SAP30: variants seen among roughly 807,000 people sequenced by gnomAD.
SAP30 encodes the protein Sin3A associated protein 30.
Under a neutral mutation model 19.6 loss-of-function variants are expected in SAP30, and 13 were observed. The ratio of observed to expected loss-of-function variants is 0.66; its 90% CI spans 0.43 to 1.05. SAP30 has a LOEUF of 1.05. Ranked by LOEUF, SAP30 falls within the 50% of genes least tolerant of loss-of-function variation. The probability of loss-of-function intolerance (pLI) is 0.00; values close to 1 mark genes in which losing one functional copy is unlikely to be tolerated. For missense variants in SAP30, 257 were observed against 292.1 expected, an observed-to-expected ratio of 0.88 and a Z score of 0.88; for synonymous variants, 108 against 122.7, an observed-to-expected ratio of 0.88 and a Z score of 0.79.
Position 173,371,596 on chromosome 4 carries a change from G to C in SAP30, c.315+99G>C. ...TGTCGGCGGGGTCCCCCAGACAACCGCACTGGCTGCAGTGCGGTCTCGTGG... is the reference window on the plus strand; with the variant it reads ...TGTCGGCGGGGTCCCCCAGACAACCCCACTGGCTGCAGTGCGGTCTCGTGG... On this transcript the variant is annotated intron_variant, in intron 1 of 3. Transcript: ENST00000296504. This position sits in a 1 kb window ranked among gnomAD's most constrained non-coding sequence, Gnocchi z 6.4. The C allele has an allele frequency of 6.7e-7, 1 of 1,493,668 alleles. No individual in the cohort carries two copies. The highest frequency in any genetic ancestry group is 8.9e-7 in the Non-Finnish European group (1 of 1,119,624). The allele number at this position is 1,493,668 out of a possible 1,614,324, so 92.5% of individuals were successfully genotyped here.
intron 1 of SAP30, among the ~76,000 whole-genome samples, chr4:173,372,276 A>AT (rs1359317487): frequency 8.5e-5 from 13 of 152,218 alleles, no homozygotes; most frequent in Non-Finnish European, 1.8e-4. Flanking sequence ...CAAGTCCTGC[A>AT]TATTTTTATC....
chr4:173,371,057 T>G lies in SAP30; in HGVS notation c.-126T>G. The G allele has an allele frequency of 9.1e-6, 10 of 1,097,406 alleles. No individual in the cohort carries two copies. The highest frequency in any genetic ancestry group is 1.2e-5 in the Non-Finnish European group (10 of 831,514). The allele number at this position is 1,097,406 out of a possible 1,614,324, so 68.0% of individuals were successfully genotyped here. ...CAGAGACCAGCAGGCCCGGGACAGT[T>G]GGTGTTTGGCCGTGCCGCTGTCTAA... On this transcript the variant is annotated 5_prime_UTR_variant, in exon 1 of 4. Coordinates refer to ENST00000296504, the MANE Select transcript of SAP30 (RefSeq NM_003864.4). This position sits in a 1 kb window ranked among gnomAD's most constrained non-coding sequence, Gnocchi z 6.4.
At chr4:173,373,277 GC>G (rs1738979864) in intron 1 of SAP30, 112 bp from the exon 2 acceptor site, 1 of 835,732 alleles carries the variant, frequency 1.2e-6, no homozygotes, top group African/African-American at 1.8e-5. Flanking sequence ...CTTAACAATG[GC>G]CCATCTTGGC....
Position 173,377,241 on chromosome 4 carries a change from G to C in SAP30, c.577G>C (p.Glu193Gln). Residue 193 changes from glutamate to glutamine, a missense_variant, in exon 4 of 4, where the codon GAA (glutamate) becomes CAA (glutamine). By Grantham distance (29) the Glu-to-Gln change is conservative. Transcript: ENST00000296504. ...CCACTTTAGGTCTATTCCAGTGAAT[G>C]AAAAAGACACCTTAACATATTTCAT... ...GCHFRSIPVN[E>Q]KDTLTYFIYS... The C allele has an allele frequency of 6.2e-7, 1 of 1,606,964 alleles. No homozygotes were observed. Among genetic ancestry groups the C allele is most frequent in the Non-Finnish European group, 8.5e-7 (1 of 1,177,030 alleles).
In SAP30 at chr4:173,371,303, G is replaced by T; in HGVS notation, c.121G>T (p.Gly41Trp). 8.1e-7 allele frequency: 1 copy of T among 1,231,352 alleles called. No homozygotes were observed. Among genetic ancestry groups the T allele is most frequent in the South Asian group, 3.2e-5 (1 of 30,930 alleles). The allele number at this position is 1,231,352 out of a possible 1,614,324, so 76.3% of individuals were successfully genotyped here. A position where few individuals can be genotyped will look rare whatever the true frequency, so the allele number is the denominator to read the frequency against. ...SAGNGTGAGT[G>W]AEVPGAGAVS... Reference sequence around the variant, plus strand: ...GGGGAACGGGACCGGCGCGGGCACCGGGGCTGAGGTGCCGGGCGCGGGGGC... The same window carrying T: ...GGGGAACGGGACCGGCGCGGGCACCTGGGCTGAGGTGCCGGGCGCGGGGGC... The change falls in exon 1 of 4, where the codon GGG becomes TGG. Residue 41 changes from glycine (G) to tryptophan (W), a missense_variant. By Grantham distance (184) the Gly-to-Trp change is radical. Coordinates refer to ENST00000296504, the MANE Select transcript of SAP30 (RefSeq NM_003864.4). The surrounding 1 kb of genome is among the most constrained non-coding windows in gnomAD (Gnocchi z 6.4).
At position 173,371,593 on chromosome 4, in the gene SAP30, A is replaced by G. The variant is rs1273667488; in HGVS notation, c.315+96A>G. ...GGTTGTCGGCGGGGTCCCCCAGACA[A>G]CCGCACTGGCTGCAGTGCGGTCTCG... On this transcript the variant is annotated intron_variant, in intron 1 of 3. Coordinates refer to ENST00000296504, the MANE Select transcript of SAP30 (RefSeq NM_003864.4). The surrounding 1 kb of genome is among the most constrained non-coding windows in gnomAD (Gnocchi z 6.4). 4.0e-6 allele frequency: 6 copies of G among 1,500,896 alleles called. No homozygotes were observed. The highest frequency in any genetic ancestry group is 5.3e-6 in the Non-Finnish European group (6 of 1,123,462). The allele number at this position is 1,500,896 out of a possible 1,614,324, so 93.0% of individuals were successfully genotyped here.
chr4:173,371,608 G>C lies in SAP30; in HGVS notation c.315+111G>C, dbSNP rs1738936347. The C allele has an allele frequency of 1.4e-6, 2 of 1,470,902 alleles. No individual in the cohort carries two copies. Among genetic ancestry groups the C allele is most frequent in the Non-Finnish European group, 9.0e-7 (1 of 1,108,738 alleles). The allele number at this position is 1,470,902 out of a possible 1,614,324, so 91.1% of individuals were successfully genotyped here. A position where few individuals can be genotyped will look rare whatever the true frequency, so the allele number is the denominator to read the frequency against. On this transcript the variant is annotated intron_variant, in intron 1 of 3. Coordinates refer to ENST00000296504, the MANE Select transcript of SAP30 (RefSeq NM_003864.4). This position sits in a 1 kb window ranked among gnomAD's most constrained non-coding sequence, Gnocchi z 6.4. ...CCCCCAGACAACCGCACTGGCTGCA[G>C]TGCGGTCTCGTGGAGTCTGTGTTTG...
Position 173,371,126 on chromosome 4 carries a change from C to A in SAP30, c.-57C>A. The A allele has an allele frequency of 7.2e-7, 1 of 1,398,418 alleles. No individual in the cohort carries two copies. 86.6% of individuals were successfully genotyped at this position (1,398,418 alleles called of 1,614,324 possible). A position where few individuals can be genotyped will look rare whatever the true frequency, so the allele number is the denominator to read the frequency against. On this transcript the variant is annotated 5_prime_UTR_variant, in exon 1 of 4. Coordinates refer to ENST00000296504, the MANE Select transcript of SAP30 (RefSeq NM_003864.4). The surrounding 1 kb of genome is among the most constrained non-coding windows in gnomAD (Gnocchi z 6.4). The stretch of plus-strand genomic sequence containing the variant: ...TTGCCGCTGCCGGAGCGGAGAGAGG[C>A]GGAGCGGCCAGGAGAGAGGGGATTT...
intron 3 of SAP30, among the ~76,000 whole-genome samples, chr4:173,375,608 CCTT>C (rs1287846970): frequency 1.3e-5 from 2 of 152,082 alleles, no homozygotes; most frequent in East Asian, 3.8e-4. Context: ...GATAAACTGA[CCTT>C]CTAAGAACAG....
chr4:173,372,673 C>T (rs895556967), intron 1 of SAP30, among the ~76,000 whole-genome samples: 1 of 152,172 alleles, frequency 6.6e-6, no homozygotes, highest in Non-Finnish European at 1.5e-5. Flanking sequence ...ATATGCTGTT[C>T]TTTTAAGTAG....
At chr4:173,375,423 C>T (rs569083181) in intron 3 of SAP30, among the ~76,000 whole-genome samples, 1 of 152,146 alleles carries the variant, frequency 6.6e-6, no homozygotes, top group South Asian at 2.1e-4. Context: ...AGATCAAGTT[C>T]TTTTGGGGTT....
chr4:173,377,489 C>T lies in SAP30; in HGVS notation c.*162C>T, dbSNP rs1739066069. ...TAGTTGGAAACTCATATAAAATGAG[C>T]TTTCCTAAATTAAATCTATTTTAAA... is the stretch of plus-strand genomic sequence containing the variant. On this transcript the variant is annotated 3_prime_UTR_variant, in exon 4 of 4. Transcript: ENST00000296504. 1.7e-6 allele frequency: 1 copy of T among 593,602 alleles called. No homozygotes were observed. Among genetic ancestry groups the T allele is most frequent in the Non-Finnish European group, 2.7e-6 (1 of 363,794 alleles). 36.8% of individuals were successfully genotyped at this position (593,602 alleles called of 1,614,324 possible).
At position 173,371,304 on chromosome 4, in the gene SAP30, G is replaced by A. The variant is rs771738602; in HGVS notation, c.122G>A (p.Gly41Glu). 3.9e-6 allele frequency: 5 copies of A among 1,293,630 alleles called. No individual in the cohort carries two copies. The highest frequency in any genetic ancestry group is 3.5e-5 in the East Asian group (1 of 28,442). 80.1% of individuals were successfully genotyped at this position (1,293,630 alleles called of 1,614,324 possible). A position where few individuals can be genotyped will look rare whatever the true frequency, so the allele number is the denominator to read the frequency against. ...SAGNGTGAGT[G>E]AEVPGAGAVS... ...GGGAACGGGACCGGCGCGGGCACCG[G>A]GGCTGAGGTGCCGGGCGCGGGGGCG... is the stretch of plus-strand genomic sequence containing the variant. The change falls in exon 1 of 4, where the codon GGG (glycine) becomes GAG (glutamate). Residue 41 changes from glycine (G) to glutamate (E), a missense_variant. Transcript: ENST00000296504. This position sits in a 1 kb window ranked among gnomAD's most constrained non-coding sequence, Gnocchi z 6.4.
chr4:173,376,694 C>T (rs1053241545), intron 3 of SAP30, among the ~76,000 whole-genome samples: 2 of 152,134 alleles, frequency 1.3e-5, no homozygotes, highest in African/African-American at 2.4e-5. Flanking sequence ...TCTCAGCTCA[C>T]TGCAACCTCC....
chr4:173,375,727 C>G (rs1022484338), intron 3 of SAP30, among the ~76,000 whole-genome samples: 3 of 152,128 alleles, frequency 2.0e-5, no homozygotes, highest in Non-Finnish European at 2.9e-5. Context: ...AAGGAATGTG[C>G]AGATGTAGTA....
rs775285058 is a variant in SAP30 at position 173,371,169 on chromosome 4, G to C, written c.-14G>C. On this transcript the variant is annotated 5_prime_UTR_variant, in exon 1 of 4. Transcript: ENST00000296504. This position sits in a 1 kb window ranked among gnomAD's most constrained non-coding sequence, Gnocchi z 6.4. ...GGGGATTTCTGTCAGCGCCGGCCTC[G>C]GGAGCTCGGAGACATGAACGGCTTC... 6 of 1,489,018 alleles carry C rather than the reference G, an allele frequency of 4.0e-6. No individual in the cohort carries two copies. Among genetic ancestry groups the C allele is most frequent in the Non-Finnish European group, 5.3e-6 (6 of 1,127,146 alleles). 92.2% of individuals were successfully genotyped at this position (1,489,018 alleles called of 1,614,324 possible).
chr4:173,374,047 A>T lies in SAP30; in HGVS notation c.540+10A>T. On this transcript the variant is annotated intron_variant, in intron 3 of 3. Coordinates refer to ENST00000296504, the MANE Select transcript of SAP30 (RefSeq NM_003864.4). ...AGCACAACTTGTTGAGGTATATATG[A>T]GTTTTAAACTATTTGAACTATCTGC... 4 of 1,476,942 alleles carry T rather than the reference A, an allele frequency of 2.7e-6. No homozygotes were observed. The highest frequency in any genetic ancestry group is 3.7e-6 in the Non-Finnish European group (4 of 1,073,666). 91.5% of individuals were successfully genotyped at this position (1,476,942 alleles called of 1,614,324 possible).
chr4:173,371,152 C>A lies in SAP30; in HGVS notation c.-31C>A. On this transcript the variant is annotated 5_prime_UTR_variant, in exon 1 of 4. The change creates a new upstream start codon in the 5' untranslated region. Transcript: ENST00000296504. The surrounding 1 kb of genome is among the most constrained non-coding windows in gnomAD (Gnocchi z 6.4). ...GGAGCGGCCAGGAGAGAGGGGATTTCTGTCAGCGCCGGCCTCGGGAGCTCG... is the reference window on the plus strand; with the variant it reads ...GGAGCGGCCAGGAGAGAGGGGATTTATGTCAGCGCCGGCCTCGGGAGCTCG... 1 of 1,461,296 alleles carries A rather than the reference C, an allele frequency of 6.8e-7. No homozygotes were observed. The highest frequency in any genetic ancestry group is 1.2e-5 in the South Asian group (1 of 81,966). 90.5% of individuals were successfully genotyped at this position (1,461,296 alleles called of 1,614,324 possible). A position where few individuals can be genotyped will look rare whatever the true frequency, so the allele number is the denominator to read the frequency against.
At chr4:173,375,268 A>G (rs1023212947) in intron 3 of SAP30, among the ~76,000 whole-genome samples, 85 of 152,128 alleles carry the variant, frequency 5.6e-4, no homozygotes, top group African/African-American at 1.8e-3. Flanking sequence ...ATTGAATAAA[A>G]TGAAATATGA....
Sources: allele counts gnomAD v4.1 joint callset (sites outside exome capture counted in the v4.1 genomes callset), GRCh38; gene constraint gnomAD v4.1.1; non-coding constraint Gnocchi (gnomAD v3.1); transcripts MANE v1.5; gene names NCBI Gene and HGNC (gene_info 2026-07-23, HGNC 2026-07-21).